Variants in LRMDA observed in about 807,000 individuals in gnomAD.
The protein encoded by LRMDA is leucine rich melanocyte differentiation associated, also known as leucine-rich melanocyte differentiation-associated protein.
A neutral mutation model predicts 29.8 loss-of-function variants in LRMDA; 18 were observed. The observed-to-expected ratio is 0.60, with a 90% CI of 0.42 to 0.90. The LOEUF is 0.90. LRMDA is among the 40% of genes least tolerant of loss of function. The pLI is 0.00. For synonymous variants in LRMDA, 125 were observed against 109.4 expected (o/e 1.14, Z -0.89); for missense variants, 273 against 273.9 (o/e 1.00, Z 0.02).
At chr10:75,552,106 T>A (rs1297589806) in intron 2 of LRMDA, among the ~76,000 whole-genome samples, 1 of 152,136 alleles carries the variant, frequency 6.6e-6, no homozygotes, top group African/African-American at 2.4e-5. Flanking sequence ...TCTTTTATTA[T>A]CCACATTTTA....
chr10:75,640,653 C>A (rs753587625), intron 2 of LRMDA, among the ~76,000 whole-genome samples: 3 of 152,220 alleles, frequency 2.0e-5, no homozygotes, highest in Non-Finnish European at 2.9e-5. Context: ...CCATCTGCAG[C>A]CTCTGCATTC....
At chr10:76,492,060 T>G (rs940870613) in intron 6 of LRMDA, among the ~76,000 whole-genome samples, 3 of 152,072 alleles carry the variant, frequency 2.0e-5, no homozygotes, top group African/African-American at 7.2e-5. Context: ...TTGAATCTCT[T>G]TGTTAAATTT....
chr10:75,674,447 G>T (rs1289564123), intron 2 of LRMDA, among the ~76,000 whole-genome samples: 1 of 152,034 alleles, frequency 6.6e-6, no homozygotes, highest in South Asian at 2.1e-4. Flanking sequence ...GCTTCCTTCA[G>T]ATATATAAAT....
chr10:75,687,442 C>A (rs1474555482), intron 2 of LRMDA, among the ~76,000 whole-genome samples: 1 of 152,186 alleles, frequency 6.6e-6, no homozygotes, highest in Non-Finnish European at 1.5e-5. Flanking sequence ...AGAGCCTAAT[C>A]CAGAGCAAGG....
At chr10:75,441,217 G>A (rs1341428288) in intron 2 of LRMDA, among the ~76,000 whole-genome samples, 1 of 152,148 alleles carries the variant, frequency 6.6e-6, no homozygotes, top group Non-Finnish European at 1.5e-5. Context: ...CACATCCCAT[G>A]TTCTATAGAA....
chr10:75,901,443 T>C (rs897136666), intron 2 of LRMDA, among the ~76,000 whole-genome samples: 1 of 152,206 alleles, frequency 6.6e-6, no homozygotes, highest in Non-Finnish European at 1.5e-5. Context: ...TAAATGAGGA[T>C]AAAGCCATTC....
intron 2 of LRMDA, among the ~76,000 whole-genome samples, chr10:75,464,723 T>A (rs986900034): frequency 5.9e-5 from 9 of 152,170 alleles, no homozygotes; most frequent in Admixed American, 5.9e-4. Flanking sequence ...TCGGATGGAA[T>A]AGACCCCCAG....
At chr10:76,479,554 C>T (rs1479750683) in intron 6 of LRMDA, among the ~76,000 whole-genome samples, 2 of 151,880 alleles carry the variant, frequency 1.3e-5, no homozygotes, top group African/African-American at 2.4e-5. Context: ...CTGCAGAGCA[C>T]AGGGCAGCCC....
intron 2 of LRMDA, among the ~76,000 whole-genome samples, chr10:75,810,688 T>A (rs754339793): frequency 2.6e-5 from 4 of 152,188 alleles, no homozygotes; most frequent in Non-Finnish European, 5.9e-5. Context: ...GCTTTGGTGG[T>A]GGCAGCTATG....
chr10:75,909,998 GTTC>G (rs1299755812), intron 2 of LRMDA, among the ~76,000 whole-genome samples: 23 of 152,134 alleles, frequency 1.5e-4, no homozygotes, highest in Admixed American at 1.4e-3. Context: ...CACCACTCAA[GTTC>G]TTCTTATGGT....
At chr10:75,754,560 A>T (rs1843007124) in intron 2 of LRMDA, among the ~76,000 whole-genome samples, 1 of 151,996 alleles carries the variant, frequency 6.6e-6, no homozygotes. Flanking sequence ...TTATATTTTT[A>T]TGGGCTTTGT....
chr10:76,334,489 C>T (rs1045974556), intron 6 of LRMDA, among the ~76,000 whole-genome samples: 1 of 152,162 alleles, frequency 6.6e-6, no homozygotes, highest in African/African-American at 2.4e-5. Context: ...CAAATGATGA[C>T]GTTGTTGGCT....
intron 2 of LRMDA, among the ~76,000 whole-genome samples, chr10:75,751,017 C>G (rs931296697): frequency 6.6e-6 from 1 of 152,214 alleles, no homozygotes; most frequent in Admixed American, 6.5e-5. Flanking sequence ...GCACTCCAGC[C>G]TGGGCAACAT....
intron 2 of LRMDA, among the ~76,000 whole-genome samples, chr10:75,838,743 T>G (rs932250996): frequency 1.3e-5 from 2 of 152,248 alleles, no homozygotes; most frequent in Non-Finnish European, 2.9e-5. Flanking sequence ...TCACATATGT[T>G]TTAAGCATTC....
intron 2 of LRMDA, among the ~76,000 whole-genome samples, chr10:75,609,677 G>A (rs545746245): frequency 7.2e-4 from 110 of 152,312 alleles, no homozygotes; most frequent in African/African-American, 2.4e-3. Flanking sequence ...TAGCCTGGGC[G>A]AGCTGAGAAG....
intron 2 of LRMDA, among the ~76,000 whole-genome samples, chr10:75,937,278 A>G (rs1294872424): frequency 6.6e-6 from 1 of 152,234 alleles, no homozygotes; most frequent in African/African-American, 2.4e-5. Context: ...ACCCTAAATG[A>G]AAAATGATTT....
chr10:76,223,782 G>A (rs1851894938), intron 5 of LRMDA, among the ~76,000 whole-genome samples: 1 of 152,124 alleles, frequency 6.6e-6, no homozygotes, highest in Admixed American at 6.5e-5. Context: ...CCAGTCTGTG[G>A]TCCTTTGTTA....
chr10:75,540,441 T>C (rs942824738), intron 2 of LRMDA, among the ~76,000 whole-genome samples: 3 of 152,192 alleles, frequency 2.0e-5, no homozygotes, highest in Non-Finnish European at 4.4e-5. Context: ...ATTTGTCCCA[T>C]GTGTGTGGCC....
chr10:76,092,580 C>A (rs536778569), intron 5 of LRMDA, among the ~76,000 whole-genome samples: 1 of 152,308 alleles, frequency 6.6e-6, no homozygotes, highest in Non-Finnish European at 1.5e-5. Context: ...GCAATACAAC[C>A]ACATGCAACA....
Sources: gnomAD v4.1 joint callset for allele counts (sites outside exome capture counted in the v4.1 genomes callset) on GRCh38, gnomAD v4.1.1 for gene constraint, MANE v1.5 for transcripts, NCBI Gene and HGNC (gene_info 2026-07-23, HGNC 2026-07-21) for gene names.